Variants in KMT2A observed in about 807,000 individuals in gnomAD.
KMT2A encodes the protein histone-lysine N-methyltransferase 2A.
In KMT2A, 16 loss-of-function variants were observed where a neutral mutation model predicts 345.3. The observed-to-expected ratio is 0.05, with a 90% CI of 0.03 to 0.07. The LOEUF (loss-of-function observed/expected upper bound fraction) is 0.07, where lower values mean the gene tolerates loss of function less well. Ranked by LOEUF, KMT2A falls within the 10% of genes least tolerant of loss-of-function variation. KMT2A has a pLI of 1.00. For missense variants in KMT2A, 3,272 were observed against 4,841.6 expected (o/e 0.68, Z 9.62); for synonymous variants, 1,599 against 1,778.6 (o/e 0.90, Z 2.54).
chr11:118,514,548 C>T (rs1482303748), intron 31 of KMT2A, among the ~76,000 whole-genome samples: 1 of 151,930 alleles, frequency 6.6e-6, no homozygotes, highest in Non-Finnish European at 1.5e-5. Context: ...TCAGGTGATT[C>T]TCCTGCTTCA....
chr11:118,506,264 G>A lies in KMT2A; in HGVS notation c.10372G>A (p.Val3458Met), dbSNP rs782483996. ...AGACGAACACTATCAGCTTCAGCAT[G>A]TGAACCAGCTCCTTGCCAGCAAAAC... is the stretch of plus-strand genomic sequence containing the variant. ...EADEHYQLQH[V>M]NQLLASKTGI... Residue 3458 changes from valine to methionine, a missense_variant, in exon 27 of 36, where the codon GTG becomes ATG. Physicochemically the swap from Val to Met is conservative, Grantham distance 21. Transcript: ENST00000534358. The A allele has an allele frequency of 3.7e-6, 6 of 1,614,218 alleles. No homozygotes were observed. In the South Asian group the frequency reaches 4.4e-5, roughly 12 times the overall value.
At position 118,506,605 on chromosome 11, in the gene KMT2A, C is replaced by A; in HGVS notation, c.10713C>A (p.His3571Gln). Reference sequence around the variant, plus strand: ...TGCGGACCAGTTCTTCTGAAGCACACATTCCAGACCAAGAAACGACATCCC... The same window carrying A: ...TGCGGACCAGTTCTTCTGAAGCACAAATTCCAGACCAAGAAACGACATCCC... ...SHLRTSSSEA[H>Q]IPDQETTSLT... The change falls in exon 27 of 36, where the codon CAC becomes CAA. Residue 3571 changes from histidine (H) to glutamine (Q), a missense_variant. Around this residue, in one of 27 missense-constraint regions of KMT2A, gnomAD observed 748 missense variants for 922.2 expected, o/e 0.81. Coordinates refer to ENST00000534358, the MANE Select transcript of KMT2A (RefSeq NM_001197104.2). 1.2e-6 allele frequency: 2 copies of A among 1,611,440 alleles called. No homozygotes were observed. The highest frequency in any genetic ancestry group is 4.5e-5 in the East Asian group (2 of 44,846).
chr11:118,449,431 A>G (rs1261123404), intron 1 of KMT2A: 1 of 149,548 alleles, frequency 6.7e-6, no homozygotes, highest in African/African-American at 2.4e-5. Flanking sequence ...TTAAAAAAAA[A>G]AAATTAGCCA....
At chr11:118,501,546 C>T in intron 25 of KMT2A, 126 bp from the exon 26 acceptor site, 2 of 722,900 alleles carry the variant, frequency 2.8e-6, no homozygotes, top group East Asian at 2.7e-5. Context: ...GGGGAAAAGT[C>T]ATTTACTTGG....
chr11:118,480,320 C>CTTT, intron 6 of KMT2A, 82 bp downstream of exon 6: 1 of 966,800 alleles, frequency 1.0e-6, no homozygotes, highest in South Asian at 1.6e-5. Flanking sequence ...GAAGAGAATA[C>CTTT]TTTTTTTTTT....
In KMT2A at chr11:118,526,691, C is replaced by G. The variant is rs1426847592; in HGVS notation, c.*4519C>G. 3 of 231,134 alleles carry G rather than the reference C, an allele frequency of 1.3e-5. No homozygotes were observed. Among genetic ancestry groups the G allele is most frequent in the Admixed American group, 1.1e-4 (2 of 17,704 alleles). The allele number at this position is 231,134 out of a possible 1,614,324, so 14.3% of individuals were successfully genotyped here. Reference sequence around the variant, plus strand: ...GTTCAAAAAATAATAATGCTGAAAGCTCTCTACGAAAGACTGAATGTAAAA... The same window carrying G: ...GTTCAAAAAATAATAATGCTGAAAGGTCTCTACGAAAGACTGAATGTAAAA... On this transcript the variant is annotated 3_prime_UTR_variant, in exon 36 of 36. Coordinates refer to ENST00000534358, the MANE Select transcript of KMT2A (RefSeq NM_001197104.2).
rs1186276865 is a variant in KMT2A at position 118,521,120 on chromosome 11, T to C, written c.11514-168T>C. The stretch of plus-strand genomic sequence containing the variant: ...GGTCACAGAATGGAAATAACTTTCA[T>C]CTTTGGCCATGTGTTAGATGGCCAA... On this transcript the variant is annotated intron_variant, in intron 34 of 35. Coordinates refer to ENST00000534358, the MANE Select transcript of KMT2A (RefSeq NM_001197104.2). This position sits in a 1 kb window ranked among gnomAD's most constrained non-coding sequence, Gnocchi z 5.3. 2 of 721,022 alleles carry C rather than the reference T, an allele frequency of 2.8e-6. No individual in the cohort carries two copies. The highest frequency in any genetic ancestry group is 4.7e-6 in the Non-Finnish European group (2 of 428,326). The allele number at this position is 721,022 out of a possible 1,614,324, so 44.7% of individuals were successfully genotyped here.
intron 1 of KMT2A, among the ~76,000 whole-genome samples, chr11:118,464,726 G>A (rs187374908): frequency 2.9e-4 from 44 of 152,224 alleles, no homozygotes; most frequent in African/African-American, 1.0e-3. Flanking sequence ...TTACCAATAC[G>A]ATCCTGAAAA....
rs782171990 is a variant in KMT2A at position 118,503,085 on chromosome 11, A to T, written c.7193A>T (p.Glu2398Val). The change falls in exon 27 of 36, where the codon GAA (glutamate) becomes GTA (valine). Residue 2398 changes from glutamate (E) to valine (V), a missense_variant. Around this residue, in one of 27 missense-constraint regions of KMT2A, gnomAD observed 445 missense variants for 500.9 expected, o/e 0.89. Coordinates refer to ENST00000534358, the MANE Select transcript of KMT2A (RefSeq NM_001197104.2). This position sits in a 1 kb window ranked among gnomAD's most constrained non-coding sequence, Gnocchi z 5.3. ...CAATCAGCAAACTCCTCTCCAGATGAAGATACTGAAGTCAAAACCTTGAAG... is the reference window on the plus strand; with the variant it reads ...CAATCAGCAAACTCCTCTCCAGATGTAGATACTGAAGTCAAAACCTTGAAG... ...STQSANSSPD[E>V]DTEVKTLKLS... 1.2e-6 allele frequency: 2 copies of T among 1,612,960 alleles called. No individual in the cohort carries two copies. Among genetic ancestry groups the T allele is most frequent in the African/African-American group, 2.7e-5 (2 of 74,938 alleles).
At chr11:118,511,903 T>A (rs781996665) in intron 30 of KMT2A, 48 bp from the exon 31 acceptor site, 13 of 1,451,538 alleles carry the variant, frequency 9.0e-6, no homozygotes, top group Non-Finnish European at 1.3e-5. Flanking sequence ...TTAAGAAGGG[T>A]TTACGTGCAT....
intron 6 of KMT2A, 78 bp from the exon 7 acceptor site, chr11:118,481,637 T>C (rs1950133876): frequency 6.8e-7 from 1 of 1,463,366 alleles, no homozygotes; most frequent in Non-Finnish European, 9.2e-7. Flanking sequence ...TGCTGGATCA[T>C]ATGGTGGCTC....
At position 118,520,185 on chromosome 11, in the gene KMT2A, A is replaced by G. The variant is rs782538380; in HGVS notation, c.11429+121A>G. 7.3e-6 allele frequency: 5 copies of G among 682,718 alleles called. No homozygotes were observed. The highest frequency in any genetic ancestry group is 1.3e-5 in the Non-Finnish European group (5 of 398,118). 42.3% of individuals were successfully genotyped at this position (682,718 alleles called of 1,614,324 possible). On this transcript the variant is annotated intron_variant, in intron 33 of 35. Transcript: ENST00000534358. This position sits in a 1 kb window ranked among gnomAD's most constrained non-coding sequence, Gnocchi z 4.3. ...CTGGATAAGATTTAAAAGGACTGAA[A>G]ACCATTTGTGTTGAAGTAGCAGTAG...
chr11:118,479,109 C>T (rs1555038532), intron 5 of KMT2A, among the ~76,000 whole-genome samples: 1 of 152,174 alleles, frequency 6.6e-6, no homozygotes, highest in East Asian at 1.9e-4. Context: ...TCCAATTATA[C>T]TCTTTCAGTC....
At position 118,502,774 on chromosome 11, in the gene KMT2A, C is replaced by T; in HGVS notation, c.6882C>T (p.Ser2294=). 6.2e-7 allele frequency: 1 copy of T among 1,614,100 alleles called. No homozygotes were observed. The highest frequency in any genetic ancestry group is 8.5e-7 in the Non-Finnish European group (1 of 1,180,012). Residue 2294 remains serine (S), a synonymous_variant, in exon 27 of 36, where the codon TCC becomes TCT. Coordinates refer to ENST00000534358, the MANE Select transcript of KMT2A (RefSeq NM_001197104.2). The surrounding 1 kb of genome is among the most constrained non-coding windows in gnomAD (Gnocchi z 4.9). ...CTTCATCTTCAGAAATGAAGCAGTC[C>T]AGTGCTTCAGACTTGGTGTCCAAGA... is the stretch of plus-strand genomic sequence containing the variant. ...DGSSSSEMKQ[S]SASDLVSKSS...
In KMT2A at chr11:118,495,795, C is replaced by T. The variant is rs781878057; in HGVS notation, c.5459C>T (p.Pro1820Leu). The T allele has an allele frequency of 1.2e-6, 2 of 1,613,984 alleles. No homozygotes were observed. The highest frequency in any genetic ancestry group is 2.7e-5 in the African/African-American group (2 of 74,906). The change falls in exon 19 of 36, where the codon CCT becomes CTT. Residue 1820 changes from proline (P) to leucine (L), a missense_variant. This residue lies in a region of KMT2A where 235 missense variants were observed against 503.4 expected (regional missense o/e 0.47). Coordinates refer to ENST00000534358, the MANE Select transcript of KMT2A (RefSeq NM_001197104.2). This position sits in a 1 kb window ranked among gnomAD's most constrained non-coding sequence, Gnocchi z 4.1. Reference protein sequence around the residue: ...EREENSHTEQPPLMKKIIPAP... With the variant: ...EREENSHTEQLPLMKKIIPAP... ...GAGGAAAACAGCCACACTGAGCAGCCTCCTTTAATGAAGAAAATCATTCCA... is the reference window on the plus strand; with the variant it reads ...GAGGAAAACAGCCACACTGAGCAGCTTCCTTTAATGAAGAAAATCATTCCA...
intron 1 of KMT2A, among the ~76,000 whole-genome samples, chr11:118,453,978 TATCTCTTTTATTCAC>T (rs782797038): frequency 2.6e-5 from 4 of 152,202 alleles, no homozygotes; most frequent in African/African-American, 4.8e-5. Context: ...ATCGTCGATT[TATCTCTTTTATTCAC>T]ATCTCACATC....
rs1161601685 is a variant in KMT2A, at chr11:118,510,026, A to G, written c.10979A>G (p.Lys3660Arg). ...MLWLQQEQKR[K>R]ESITEKKPKK... ...TGGCTTCAGCAAGAACAAAAGCGGAAGGAAAGCATTACTGAGAAAAAACCC... is the reference window on the plus strand; with the variant it reads ...TGGCTTCAGCAAGAACAAAAGCGGAGGGAAAGCATTACTGAGAAAAAACCC... The change falls in exon 30 of 36, where the codon AAG becomes AGG. Residue 3660 changes from lysine (K) to arginine (R), a missense_variant. Around this residue, in one of 27 missense-constraint regions of KMT2A, gnomAD observed 748 missense variants for 922.2 expected, o/e 0.81. Transcript: ENST00000534358. The surrounding 1 kb of genome is among the most constrained non-coding windows in gnomAD (Gnocchi z 4.1). 1.9e-6 allele frequency: 3 copies of G among 1,614,008 alleles called. No homozygotes were observed. Among genetic ancestry groups the G allele is most frequent in the Non-Finnish European group, 2.5e-6 (3 of 1,179,918 alleles).
Position 118,475,580 on chromosome 11 carries a change from A to G in KMT2A, c.3157-1225A>G, listed in dbSNP as rs150389677. 9.5e-3 allele frequency among the ~76,000 whole-genome samples: 1,442 copies of G among 152,190 alleles called. 23 individuals are homozygous for G. The highest frequency in any genetic ancestry group is 0.033 in the African/African-American group (1,361 of 41,532). ...CTACTAAAAATCCAAAAAATTAGCC[A>G]GACATGGTGGCATGCGCCTGTAGTC... On this transcript the variant is annotated intron_variant, in intron 3 of 35. Transcript: ENST00000534358.
Position 118,471,897 on chromosome 11 carries a change from G to C in KMT2A, c.738G>C (p.Lys246Asn). 6.2e-7 allele frequency: 1 copy of C among 1,613,656 alleles called. No homozygotes were observed. The highest frequency in any genetic ancestry group is 8.5e-7 in the Non-Finnish European group (1 of 1,179,920). The change falls in exon 3 of 36, where the codon AAG (lysine) becomes AAC (asparagine). Residue 246 changes from lysine (K) to asparagine (N), a missense_variant. Around this residue, in one of 27 missense-constraint regions of KMT2A, gnomAD observed 412 missense variants for 511.0 expected, o/e 0.81. Coordinates refer to ENST00000534358, the MANE Select transcript of KMT2A (RefSeq NM_001197104.2). Reference protein sequence around the residue: ...THGKDISELPKGNKEDSLKKI... With the variant: ...THGKDISELPNGNKEDSLKKI... ...GAAAGGACATTTCAGAGTTACCAAA[G>C]GGAAACAAAGAAGATAGCCTGAAAA...
Sources: allele counts gnomAD v4.1 joint callset (sites outside exome capture counted in the v4.1 genomes callset), GRCh38; gene constraint gnomAD v4.1.1; regional missense constraint gnomAD v4.1.1; non-coding constraint Gnocchi (gnomAD v3.1); transcripts MANE v1.5; gene names NCBI Gene and HGNC (gene_info 2026-07-23, HGNC 2026-07-21).